The following SRRM2 variants were observed in gnomAD, a reference collection of about 807,000 sequenced individuals.
The protein encoded by SRRM2 is serine/arginine repetitive matrix protein 2.
In SRRM2, 30 loss-of-function variants were observed where a neutral mutation model predicts 213.8. The ratio of observed to expected loss-of-function variants is 0.14; its 90% CI spans 0.10 to 0.19. SRRM2 has a LOEUF of 0.19. Among genes scored for constraint, SRRM2 ranks in the 10% least tolerant of loss-of-function variants. SRRM2 has a pLI of 1.00. For synonymous variants in SRRM2, 2,025 were observed against 1,377.7 expected, an observed-to-expected ratio of 1.47 and a Z score of -10.40; for missense variants, 4,904 against 3,647.0, an observed-to-expected ratio of 1.34 and a Z score of -8.88.
intron 9 of SRRM2, chr16:2,759,880 TC>T: frequency 1.7e-6 from 1 of 574,284 alleles, no homozygotes; most frequent in Non-Finnish European, 3.1e-6. Flanking sequence ...TATTTTTGTT[TC>T]GTTCTGATGT....
chr16:2,753,286 CG>C (rs1234935667), intron 1 of SRRM2, among the ~76,000 whole-genome samples: 1 of 152,216 alleles, frequency 6.6e-6, no homozygotes, highest in Admixed American at 6.5e-5. Context: ...TTCTCTTCGG[CG>C]TTGGGCTGCC....
chr16:2,768,391 C>G (rs2068619612), intron 11 of SRRM2, 130 bp downstream of exon 11: 2 of 1,035,622 alleles, frequency 1.9e-6, no homozygotes, highest in Non-Finnish European at 2.8e-6. Flanking sequence ...GACCCTCAAG[C>G]TGGGGGTAGA....
Position 2,765,203 on chromosome 16 carries a change from T to G in SRRM2, c.4675T>G (p.Ser1559Ala). The part of the protein sequence containing the change: ...PSASPQERSE[S>A]DSSPDSKAKT... ...TGCATCCCCTCAGGAAAGAAGTGAGTCAGACTCTTCTCCAGATTCTAAAGC... is the reference window on the plus strand; with the variant it reads ...TGCATCCCCTCAGGAAAGAAGTGAGGCAGACTCTTCTCCAGATTCTAAAGC... Residue 1559 changes from serine (S) to alanine (A), a missense_variant, in exon 11 of 15, where the codon TCA (serine) becomes GCA (alanine). By Grantham distance (99) the Ser-to-Ala change is moderately conservative. Transcript: ENST00000301740. 6.2e-7 allele frequency: 1 copy of G among 1,614,020 alleles called. No individual in the cohort carries two copies.
chr16:2,763,456 T>C lies in SRRM2; in HGVS notation c.2928T>C (p.Asp976=). ...RYSHSGSSSP[D]TKVKPETPPR... is the part of the protein sequence containing the mutation. Reference sequence around the variant, plus strand: ...GTCATTCTGGGTCCTCCTCACCAGATACCAAAGTGAAACCTGAAACACCGC... The same window carrying C: ...GTCATTCTGGGTCCTCCTCACCAGACACCAAAGTGAAACCTGAAACACCGC... Residue 976 remains aspartate, a synonymous_variant, in exon 11 of 15, where the codon GAT becomes GAC. Coordinates refer to ENST00000301740, the MANE Select transcript of SRRM2 (RefSeq NM_016333.4). 6.2e-7 allele frequency: 1 copy of C among 1,614,184 alleles called. No individual in the cohort carries two copies.
intron 11 of SRRM2, chr16:2,768,552 G>C (rs769935730): frequency 1.5e-6 from 1 of 652,018 alleles, no homozygotes; most frequent in South Asian, 1.5e-5. Flanking sequence ...AGGAGGGATG[G>C]CAGTTAGACC....
rs772465259 is a variant in SRRM2, at chr16:2,765,455, A to G, written c.4927A>G (p.Lys1643Glu). 11 of 1,614,142 alleles carry G rather than the reference A, an allele frequency of 6.8e-6. No homozygotes were observed. The East Asian group carries it at 2.5e-4, about 36-fold the overall frequency. Residue 1643 changes from lysine (K) to glutamate (E), a missense_variant, in exon 11 of 15, where the codon AAA (lysine) becomes GAA (glutamate). Transcript: ENST00000301740. ...ACGAAGCAGATCAGGTTCATCAAGC[A>G]AAGGCAGAGGCCCTTCTCCTGAAGG... Reference protein sequence around the residue: ...PRRSRSGSSSKGRGPSPEGSS... With the variant: ...PRRSRSGSSSEGRGPSPEGSS...
At chr16:2,761,492 G>A (rs2068346278) in intron 10 of SRRM2, 69 bp from the exon 11 acceptor site, 1 of 1,303,862 alleles carries the variant, frequency 7.7e-7, no homozygotes, top group South Asian at 1.9e-5. Flanking sequence ...AAGGGTGTTG[G>A]GATCTTAGGG....
rs755500263 is a variant in SRRM2 at position 2,762,924 on chromosome 16, C to G, written c.2396C>G (p.Ser799Cys). ...KSQTPPRRSR[S>C]GSSQPKAKSR... ...CAGACACCACCCAGGCGCAGTCGCT[C>G]TGGATCCTCCCAACCTAAAGCTAAA... The change falls in exon 11 of 15, where the codon TCT (serine) becomes TGT (cysteine). Residue 799 changes from serine (S) to cysteine (C), a missense_variant. Transcript: ENST00000301740. 6.2e-7 allele frequency: 1 copy of G among 1,610,240 alleles called. No individual in the cohort carries two copies. Among genetic ancestry groups the G allele is most frequent in the African/African-American group, 1.3e-5 (1 of 74,988 alleles).
chr16:2,756,294 G>A, intron 1 of SRRM2, 40 bp from the exon 2 acceptor site: 1 of 1,468,078 alleles, frequency 6.8e-7, no homozygotes, highest in Non-Finnish European at 9.0e-7. Flanking sequence ...GGTTAGTTTG[G>A]GGCCAGGGGC....
Position 2,771,097 on chromosome 16 carries a change from G to GGTTGGGGGGGGGGGGGC in SRRM2, c.*230_*231insGTTGGGGGGGGGGGGGC. The GGTTGGGGGGGGGGGGGC allele has an allele frequency of 3.0e-6, 1 of 336,636 alleles. No homozygotes were observed. 20.9% of individuals were successfully genotyped at this position (336,636 alleles called of 1,614,324 possible). ...GTTCTGGGGGGTTTGGGGTGGGAGG[G>GGTTGGGGGGGGGGGGGC]AATGCAGATGGGAGTTGGGGGAGGG... is the stretch of plus-strand genomic sequence containing the variant. On this transcript the variant is annotated 3_prime_UTR_variant, in exon 15 of 15. Transcript: ENST00000301740.
chr16:2,758,810 A>AG, intron 5 of SRRM2, 175 bp from the exon 6 acceptor site: 1 of 736,902 alleles, frequency 1.4e-6, no homozygotes. Flanking sequence ...TGTTGACTTA[A>AG]GGAGTTACTT....
intron 1 of SRRM2, among the ~76,000 whole-genome samples, chr16:2,754,020 T>G (rs2068046619): frequency 1.3e-5 from 2 of 152,206 alleles, no homozygotes; most frequent in South Asian, 4.1e-4. Context: ...AAAAGGGTGT[T>G]TTTGTCTTCC....
chr16:2,768,640 C>T (rs944497508), intron 11 of SRRM2: 3 of 641,096 alleles, frequency 4.7e-6, no homozygotes, highest in African/African-American at 1.8e-5. Flanking sequence ...AGGACGGCCC[C>T]TTCCCCAGCC....
chr16:2,754,341 G>A (rs1055980017), intron 1 of SRRM2, among the ~76,000 whole-genome samples: 6 of 151,566 alleles, frequency 4.0e-5, no homozygotes, highest in Admixed American at 3.3e-4. Context: ...TTGGCAGGCC[G>A]GAGTGCAGTG....
In SRRM2 at chr16:2,767,677, C is replaced by G. The variant is rs759838129; in HGVS notation, c.7149C>G (p.Pro2383=). The G allele has an allele frequency of 1.9e-6, 3 of 1,614,074 alleles. No homozygotes were observed. The South Asian group carries it at 3.3e-5, about 18-fold the overall frequency. The change falls in exon 11 of 15, where the codon CCC becomes CCG. Residue 2383 remains proline (P), a synonymous_variant. Transcript: ENST00000301740. ...PALSGANLTS[P]RVPLSAYERV... The stretch of plus-strand genomic sequence containing the variant: ...TGTCTGGTGCAAACCTCACCAGCCC[C>G]AGGGTGCCCCTTTCTGCCTACGAGC...
intron 7 of SRRM2, 84 bp from the exon 8 acceptor site, chr16:2,759,268 C>A: frequency 6.2e-7 from 1 of 1,605,164 alleles, no homozygotes; most frequent in East Asian, 2.2e-5. Context: ...TTCCTTGTGT[C>A]AACACTCCCT....
At position 2,763,696 on chromosome 16, in the gene SRRM2, A is replaced by C. The variant is rs766078443; in HGVS notation, c.3168A>C (p.Gln1056His). Residue 1056 changes from glutamine to histidine, a missense_variant, in exon 11 of 15, where the codon CAA (glutamine) becomes CAC (histidine). Physicochemically the swap from Gln to His is conservative, Grantham distance 24. Transcript: ENST00000301740. ...GCTATTTTGGTGTCTCATCTCTGCA[A>C]CTGAAAGGACAATCTCAAACTTCAC... ...GESYFGVSSL[Q>H]LKGQSQTSPD... 6.2e-7 allele frequency: 1 copy of C among 1,614,092 alleles called. No individual in the cohort carries two copies. The highest frequency in any genetic ancestry group is 2.2e-5 in the East Asian group (1 of 44,900).
rs202045188 is a variant in SRRM2, at chr16:2,764,406, T to C, written c.3878T>C (p.Leu1293Ser). The change falls in exon 11 of 15, where the codon TTG (leucine) becomes TCG (serine). Residue 1293 changes from leucine to serine, a missense_variant. By Grantham distance (145) the Leu-to-Ser change is moderately radical. Coordinates refer to ENST00000301740, the MANE Select transcript of SRRM2 (RefSeq NM_016333.4). ...GATCAGAGCCAGTCACAGGCTTCTTTGGAAGCAGTAGAAGTCCCTTCAATG... is the reference window on the plus strand; with the variant it reads ...GATCAGAGCCAGTCACAGGCTTCTTCGGAAGCAGTAGAAGTCCCTTCAATG... ...TLDQSQSQAS[L>S]EAVEVPSMAS... 2.5e-6 allele frequency: 4 copies of C among 1,613,310 alleles called. No homozygotes were observed. The Admixed American group carries it at 5.0e-5, about 20-fold the overall frequency.
rs376717860 is a variant in SRRM2, at chr16:2,756,554, C to T, written c.190C>T (p.Arg64Trp). Reference sequence around the variant, plus strand: ...TGACATCCTGGACCACGAGCGCAAGCGGCGCGTCGAGCTGCGATGCCTCGA... The same window carrying T: ...TGACATCCTGGACCACGAGCGCAAGTGGCGCGTCGAGCTGCGATGCCTCGA... ...NPDILDHERK[R>W]RVELRCLELE... Residue 64 changes from arginine to tryptophan, a missense_variant, in exon 2 of 15, where the codon CGG becomes TGG. Coordinates refer to ENST00000301740, the MANE Select transcript of SRRM2 (RefSeq NM_016333.4). 1 of 1,613,980 alleles carries T rather than the reference C, an allele frequency of 6.2e-7. No homozygotes were observed. The highest frequency in any genetic ancestry group is 8.5e-7 in the Non-Finnish European group (1 of 1,179,950).
Sources: gnomAD v4.1 joint callset for allele counts (sites outside exome capture counted in the v4.1 genomes callset) on GRCh38, gnomAD v4.1.1 for gene constraint, MANE v1.5 for transcripts, NCBI Gene and HGNC (gene_info 2026-07-23, HGNC 2026-07-21) for gene names.